HOXD12: variants seen among roughly 807,000 people sequenced by gnomAD.
The protein encoded by HOXD12 is homeobox D12.
HOXD12 carries 21 observed loss-of-function variants against 20.2 expected under a neutral mutation model. That is an observed-to-expected ratio of 1.04 (90% CI 0.74 to 1.50). HOXD12 has a LOEUF of 1.50. Ranked by LOEUF, HOXD12 falls within the 40% of genes most tolerant of loss-of-function variation. HOXD12 has a pLI of 0.00. For synonymous variants in HOXD12, 196 were observed against 168.8 expected (o/e 1.16, Z -1.25); for missense variants, 472 against 365.5 (o/e 1.29, Z -2.38).
chr2:176,099,880 T>C lies in HOXD12; in HGVS notation c.79T>C (p.Ser27Pro), dbSNP rs1299526576. 6.3e-7 allele frequency: 1 copy of C among 1,592,368 alleles called. No individual in the cohort carries two copies. Reference protein sequence around the residue: ...NLQSPDSFYFSNLRPNGGQLA... With the variant: ...NLQSPDSFYFPNLRPNGGQLA... ...GCAGTCGCCAGACTCTTTCTACTTC[T>C]CCAACCTGAGGCCGAATGGCGGCCA... The change falls in exon 1 of 2, where the codon TCC becomes CCC. Residue 27 changes from serine (S) to proline (P), a missense_variant. Coordinates refer to ENST00000406506, the MANE Select transcript of HOXD12 (RefSeq NM_021193.4).
At position 176,099,982 on chromosome 2, in the gene HOXD12, G is replaced by T. The variant is rs749199267; in HGVS notation, c.181G>T (p.Ala61Ser). The T allele has an allele frequency of 3.2e-6, 5 of 1,576,324 alleles. No homozygotes were observed. The highest frequency in any genetic ancestry group is 3.4e-6 in the Non-Finnish European group (4 of 1,161,060). The change falls in exon 1 of 2, where the codon GCG (alanine) becomes TCG (serine). Residue 61 changes from alanine (A) to serine (S), a missense_variant. Ala to Ser is a moderately conservative substitution (Grantham distance 99, BLOSUM62 1). Coordinates refer to ENST00000406506, the MANE Select transcript of HOXD12 (RefSeq NM_021193.4). ...WAATPASCAPAQPAGATAFGG... is the reference protein window; with the variant it reads ...WAATPASCAPSQPAGATAFGG... ...CGCCACGCCCGCCTCCTGCGCCCCC[G>T]CGCAGCCTGCGGGCGCCACTGCCTT...
rs778041437 is a variant in HOXD12, at chr2:176,100,383, G to C, written c.574+8G>C. On this transcript the variant is annotated splice_region_variant and intron_variant, in intron 1 of 1. Coordinates refer to ENST00000406506, the MANE Select transcript of HOXD12 (RefSeq NM_021193.4). ...GACCTTCACTGCCCGACGGTAAACG[G>C]TGCCCATGCTCCCCGGGCCGGTTTG... 6.2e-7 allele frequency: 1 copy of C among 1,612,390 alleles called. No individual in the cohort carries two copies. Among genetic ancestry groups the C allele is most frequent in the Non-Finnish European group, 8.5e-7 (1 of 1,179,676 alleles).
At position 176,100,697 on chromosome 2, in the gene HOXD12, C is replaced by G. The variant is rs1249300933; in HGVS notation, c.750C>G (p.Phe250Leu). 1 of 1,613,892 alleles carries G rather than the reference C, an allele frequency of 6.2e-7. No homozygotes were observed. Among genetic ancestry groups the G allele is most frequent in the Non-Finnish European group, 8.5e-7 (1 of 1,179,890 alleles). The change falls in exon 2 of 2, where the codon TTC becomes TTG. Residue 250 changes from phenylalanine (F) to leucine (L), a missense_variant. Physicochemically the swap from Phe to Leu is conservative, Grantham distance 22 (BLOSUM62 0). Transcript: ENST00000406506. Reference protein sequence around the residue: ...NLSDQQVKIWFQNRRMKKKRV... With the variant: ...NLSDQQVKIWLQNRRMKKKRV... ...GCGACCAGCAAGTCAAAATCTGGTT[C>G]CAGAACAGGCGTATGAAGAAGAAGC...
chr2:176,100,293 C>G lies in HOXD12; in HGVS notation c.492C>G (p.Asp164Glu). The G allele has an allele frequency of 6.2e-7, 1 of 1,612,648 alleles. No individual in the cohort carries two copies. Among genetic ancestry groups the G allele is most frequent in the Non-Finnish European group, 8.5e-7 (1 of 1,179,854 alleles). Residue 164 changes from aspartate (D) to glutamate (E), a missense_variant, in exon 1 of 2, where the codon GAC becomes GAG. Transcript: ENST00000406506. ...CTCCCTGCGCCCCTGGCTTCAAGGACGACACCAAGGGCCCGCTCAACTTGA... is the reference window on the plus strand; with the variant it reads ...CTCCCTGCGCCCCTGGCTTCAAGGAGGACACCAAGGGCCCGCTCAACTTGA... Reference protein sequence around the residue: ...QGAPCAPGFKDDTKGPLNLNM... With the variant: ...QGAPCAPGFKEDTKGPLNLNM...
rs1184526781 is a variant in HOXD12, at chr2:176,099,971, C to T, written c.170C>T (p.Ser57Phe). ...CTGCCCTGGGCCGCCACGCCCGCCT[C>T]CTGCGCCCCCGCGCAGCCTGCGGGC... Reference protein sequence around the residue: ...GALPWAATPASCAPAQPAGAT... With the variant: ...GALPWAATPAFCAPAQPAGAT... The change falls in exon 1 of 2, where the codon TCC (serine) becomes TTC (phenylalanine). Residue 57 changes from serine (S) to phenylalanine (F), a missense_variant. Physicochemically the swap from Ser to Phe is radical, Grantham distance 155. Transcript: ENST00000406506. The T allele has an allele frequency of 6.3e-7, 1 of 1,597,708 alleles. No homozygotes were observed.
At position 176,102,299 on chromosome 2, in the gene HOXD12, C is replaced by T. The variant is rs892802536; in HGVS notation, c.*1539C>T. On this transcript the variant is annotated 3_prime_UTR_variant, in exon 2 of 2. Transcript: ENST00000406506. ...GACCTGGCCCTAAATCTGGAGTGGG[C>T]CCCTCACAGAGAGCCCTGAGCCTTA... Among the ~76,000 whole-genome samples the T allele has an allele frequency of 1.3e-5, 2 of 152,188 alleles. No homozygotes were observed. Among genetic ancestry groups the T allele is most frequent in the African/African-American group, 4.8e-5 (2 of 41,438 alleles).
rs139519037 is a variant in HOXD12 at position 176,100,106 on chromosome 2, C to A, written c.305C>A (p.Ala102Glu). ...CCCGAAGAGCAGGCTAAGTTCTATGCGCCCGAAGCGGCCGCTGGGCCAGAG... is the reference window on the plus strand; with the variant it reads ...CCCGAAGAGCAGGCTAAGTTCTATGAGCCCGAAGCGGCCGCTGGGCCAGAG... ...DGPEEQAKFY[A>E]PEAAAGPEER... The change falls in exon 1 of 2, where the codon GCG becomes GAG. Residue 102 changes from alanine (A) to glutamate (E), a missense_variant. Transcript: ENST00000406506. 7.4e-4 allele frequency: 1,184 copies of A among 1,607,608 alleles called. 1 individual carries two copies. Among genetic ancestry groups the A allele is most frequent in the Admixed American group, 1.7e-3 (104 of 59,688 alleles).
chr2:176,100,829 C>T lies in HOXD12; in HGVS notation c.*69C>T. The T allele has an allele frequency of 9.4e-7, 1 of 1,061,682 alleles. No homozygotes were observed. 65.8% of individuals were successfully genotyped at this position (1,061,682 alleles called of 1,614,324 possible). On this transcript the variant is annotated 3_prime_UTR_variant, in exon 2 of 2. Transcript: ENST00000406506. ...AGAGGCCTTGTTTGGGGAGGGGGAT[C>T]TGGGGCTAAGGCTAAGGCTTTTCCT...
chr2:176,100,741 A>G lies in HOXD12; in HGVS notation c.794A>G (p.Gln265Arg). 1.2e-6 allele frequency: 2 copies of G among 1,613,490 alleles called. No homozygotes were observed. The highest frequency in any genetic ancestry group is 2.2e-5 in the East Asian group (1 of 44,864). Residue 265 changes from glutamine (Q) to arginine (R), a missense_variant, in exon 2 of 2, where the codon CAG becomes CGG. By Grantham distance (43) the Gln-to-Arg change is conservative (BLOSUM62 1). Transcript: ENST00000406506. ...MKKKRVVLRE[Q>R]ALALY is the part of the protein sequence containing the mutation. Reference sequence around the variant, plus strand: ...AAGAAGCGCGTGGTGCTTCGGGAGCAGGCGCTGGCGCTCTACTAGCCGCGC... The same window carrying G: ...AAGAAGCGCGTGGTGCTTCGGGAGCGGGCGCTGGCGCTCTACTAGCCGCGC...
In HOXD12 at chr2:176,099,829, G is replaced by A. The variant is rs368927800; in HGVS notation, c.28G>A (p.Gly10Ser). 1.9e-6 allele frequency: 3 copies of A among 1,542,706 alleles called. No homozygotes were observed. Among genetic ancestry groups the A allele is most frequent in the South Asian group, 2.5e-5 (2 of 79,208 alleles). The change falls in exon 1 of 2, where the codon GGC becomes AGC. Residue 10 changes from glycine (G) to serine (S), a missense_variant. Coordinates refer to ENST00000406506, the MANE Select transcript of HOXD12 (RefSeq NM_021193.4). MCERSLYRA[G>S]YVGSLLNLQS... is the part of the protein sequence containing the mutation. ...GTGTGAGCGCAGTCTCTACAGAGCG[G>A]GCTATGTGGGCTCGCTTCTGAATCT...
chr2:176,101,057 G>T lies in HOXD12; in HGVS notation c.*297G>T. The stretch of plus-strand genomic sequence containing the variant: ...CCTGGCTGGGGCATTTGCACCCACC[G>T]CTCATTCTTGCTCCCCGGTACCTGG... On this transcript the variant is annotated 3_prime_UTR_variant, in exon 2 of 2. Coordinates refer to ENST00000406506, the MANE Select transcript of HOXD12 (RefSeq NM_021193.4). 2.0e-6 allele frequency: 1 copy of T among 490,902 alleles called. No individual in the cohort carries two copies. 30.4% of individuals were successfully genotyped at this position (490,902 alleles called of 1,614,324 possible).
In HOXD12 at chr2:176,101,153, C is replaced by T; in HGVS notation, c.*393C>T. The T allele has an allele frequency of 3.9e-6, 1 of 257,202 alleles. No homozygotes were observed. The highest frequency in any genetic ancestry group is 7.5e-6 in the Non-Finnish European group (1 of 133,450). 15.9% of individuals were successfully genotyped at this position (257,202 alleles called of 1,614,324 possible). A position where few individuals can be genotyped will look rare whatever the true frequency, so the allele number is the denominator to read the frequency against. ...CAGCCCCTTCAGCGTATAGCAGTCG[C>T]CTAGTTAGGGCTCAGAGTGGAAGGC... On this transcript the variant is annotated 3_prime_UTR_variant, in exon 2 of 2. Transcript: ENST00000406506.
rs1248577410 is a variant in HOXD12, at chr2:176,100,824, G to A, written c.*64G>A. 2.7e-5 allele frequency: 30 copies of A among 1,094,482 alleles called. No homozygotes were observed. The highest frequency in any genetic ancestry group is 3.9e-5 in the Admixed American group (2 of 51,490). The allele number at this position is 1,094,482 out of a possible 1,614,324, so 67.8% of individuals were successfully genotyped here. On this transcript the variant is annotated 3_prime_UTR_variant, in exon 2 of 2. Coordinates refer to ENST00000406506, the MANE Select transcript of HOXD12 (RefSeq NM_021193.4). ...TGGACAGAGGCCTTGTTTGGGGAGG[G>A]GGATCTGGGGCTAAGGCTAAGGCTT...
At position 176,100,275 on chromosome 2, in the gene HOXD12, C is replaced by A. The variant is rs1689474461; in HGVS notation, c.474C>A (p.Cys158Ter). The A allele has an allele frequency of 1.9e-6, 3 of 1,612,360 alleles. No homozygotes were observed. Among genetic ancestry groups the A allele is most frequent in the African/African-American group, 2.7e-5 (2 of 74,940 alleles). Residue 158 changes from cysteine (C) to a stop codon, truncating the protein, a stop_gained, in exon 1 of 2, where the codon TGC (cysteine) becomes TGA (stop). Transcript: ENST00000406506. LOFTEE classifies it high-confidence loss of function. ...CGACCCTGCTCCAGGGGGCTCCCTG[C>A]GCCCCTGGCTTCAAGGACGACACCA... ...GSTTLLQGAP[C>*]APGFKDDTKG... is the part of the protein sequence containing the mutation.
At chr2:176,100,446 G>T in intron 1 of HOXD12, 71 bp downstream of exon 1, 1 of 1,597,252 alleles carries the variant, frequency 6.3e-7, no homozygotes. Flanking sequence ...GAGAGTGTAA[G>T]GGGAGGTGAA....
Position 176,101,636 on chromosome 2 carries a change from T to C in HOXD12, c.*876T>C, listed in dbSNP as rs1689496809. 6.6e-6 allele frequency among the ~76,000 whole-genome samples: 1 copy of C among 152,076 alleles called. No individual in the cohort carries two copies. Among genetic ancestry groups the C allele is most frequent in the South Asian group, 2.1e-4 (1 of 4,818 alleles). The stretch of plus-strand genomic sequence containing the variant: ...AGGCTAGCTCTGGTGAAAGGAGCTG[T>C]TGGTCTGCTTTGAAGCTCTGTTGCA... On this transcript the variant is annotated 3_prime_UTR_variant, in exon 2 of 2. Transcript: ENST00000406506.
rs771045370 is a variant in HOXD12, at chr2:176,100,541, C to CG, written c.594_595insG (p.Pro199AlafsTer40). 6.2e-7 allele frequency: 1 copy of CG among 1,607,682 alleles called. No homozygotes were observed. The highest frequency in any genetic ancestry group is 1.7e-5 in the Admixed American group (1 of 59,000). ...TTGCAGGCCTGCCGTGGGGGGCGGC[C>CG]CCGGGGAGGGCCCGCAAGAAGCGGA... On this transcript the variant is annotated frameshift_variant, in exon 2 of 2. Coordinates refer to ENST00000406506, the MANE Select transcript of HOXD12 (RefSeq NM_021193.4). LOFTEE classifies it high-confidence loss of function.
At position 176,100,759 on chromosome 2, in the gene HOXD12, A is replaced by G. The variant is rs1389661232; in HGVS notation, c.812A>G (p.Ter271TrpextTer26). The change falls in exon 2 of 2, where the codon TAG becomes TGG. Residue 271 changes from the stop codon to tryptophan, a stop_lost. Coordinates refer to ENST00000406506, the MANE Select transcript of HOXD12 (RefSeq NM_021193.4). The part of the protein sequence containing the change: ...VLREQALALY[*>W] ...CGGGAGCAGGCGCTGGCGCTCTACT[A>G]GCCGCGCGCGTGGCCAGGGCCGGGT... 1.2e-6 allele frequency: 2 copies of G among 1,608,580 alleles called. No individual in the cohort carries two copies. Among genetic ancestry groups the G allele is most frequent in the Non-Finnish European group, 1.7e-6 (2 of 1,175,712 alleles).
In HOXD12 at chr2:176,101,865, T is replaced by G. The variant is rs1689499128; in HGVS notation, c.*1105T>G. Among the ~76,000 whole-genome samples, 1 of 152,242 alleles carries G rather than the reference T, an allele frequency of 6.6e-6. No individual in the cohort carries two copies. On this transcript the variant is annotated 3_prime_UTR_variant, in exon 2 of 2. Coordinates refer to ENST00000406506, the MANE Select transcript of HOXD12 (RefSeq NM_021193.4). The stretch of plus-strand genomic sequence containing the variant: ...GTCAAGGGGAGGGGAAGGAAGTCTC[T>G]TAGATTCTCTGCCCCGCTAGCTGCT...
Sources: allele counts gnomAD v4.1 joint callset (sites outside exome capture counted in the v4.1 genomes callset), GRCh38; gene constraint gnomAD v4.1.1; transcripts MANE v1.5; gene names NCBI Gene and HGNC (gene_info 2026-07-23, HGNC 2026-07-21).